The following CNBD1 variants were observed in gnomAD, a reference collection of about 807,000 sequenced individuals.
The protein encoded by CNBD1 is cyclic nucleotide binding domain containing 1, also known as cyclic nucleotide-binding domain-containing protein 1.
A neutral mutation model predicts 54.4 loss-of-function variants in CNBD1; 71 were observed. The observed-to-expected ratio is 1.30, with a 90% CI of 1.08 to 1.59. The LOEUF is 1.59. CNBD1 is among the 40% of genes most tolerant of loss of function. The pLI is 0.00. For synonymous variants in CNBD1, 182 were observed against 170.7 expected, an observed-to-expected ratio of 1.07 and a Z score of -0.51; for missense variants, 659 against 518.0, an observed-to-expected ratio of 1.27 and a Z score of -2.64.
chr8:87,357,440 G>A (rs1033410463), intron 10 of CNBD1, among the ~76,000 whole-genome samples: 3 of 152,314 alleles, frequency 2.0e-5, no homozygotes, highest in East Asian at 1.9e-4. Flanking sequence ...CCTTGCACCA[G>A]TGTACCCATA....
chr8:87,150,103 G>T (rs764013776), intron 4 of CNBD1, among the ~76,000 whole-genome samples: 6 of 152,150 alleles, frequency 3.9e-5, no homozygotes, highest in Non-Finnish European at 7.3e-5. Context: ...CGTGAACCCG[G>T]GAGGCGGAGC....
intron 1 of CNBD1, among the ~76,000 whole-genome samples, chr8:86,870,189 C>CCT (rs1554626453): frequency 0.12 from 12,212 of 100,644 alleles, 1,153 homozygotes; most frequent in African/African-American, 0.16. Flanking sequence ...AGATAGTACT[C>CCT]TTTTTTTTTT....
chr8:87,012,142 CTTCT>C (rs1809236402), intron 4 of CNBD1, among the ~76,000 whole-genome samples: 2 of 152,090 alleles, frequency 1.3e-5, no homozygotes, highest in South Asian at 2.1e-4. Context: ...TGAAAAATGG[CTTCT>C]TTAAGAGCCG....
At chr8:87,089,875 C>T (rs1185487886) in intron 4 of CNBD1, among the ~76,000 whole-genome samples, 1 of 151,968 alleles carries the variant, frequency 6.6e-6, no homozygotes, top group Admixed American at 6.6e-5. Context: ...TTTGATAATA[C>T]AGCTAATAAA....
chr8:86,914,903 T>C (rs185257085), intron 3 of CNBD1, among the ~76,000 whole-genome samples: 1 of 152,306 alleles, frequency 6.6e-6, no homozygotes, highest in East Asian at 1.9e-4. Context: ...ATGTCTAGCA[T>C]AGAAAAAAGA....
At chr8:87,069,710 C>G (rs972437318) in intron 4 of CNBD1, among the ~76,000 whole-genome samples, 2 of 152,056 alleles carry the variant, frequency 1.3e-5, no homozygotes, top group African/African-American at 4.8e-5. Context: ...ACTGGAGTTG[C>G]CATTCTTGCT....
intron 4 of CNBD1, among the ~76,000 whole-genome samples, chr8:87,137,863 C>G (rs1812290074): frequency 6.6e-6 from 1 of 152,054 alleles, no homozygotes; most frequent in Admixed American, 6.6e-5. Context: ...CTACTTAGGA[C>G]CTGTGTGTCT....
intron 4 of CNBD1, among the ~76,000 whole-genome samples, chr8:86,986,101 C>T (rs1193286168): frequency 6.6e-6 from 1 of 151,748 alleles, no homozygotes; most frequent in Admixed American, 6.6e-5. Flanking sequence ...ATCTAATTTT[C>T]CTATTTTTAG....
At chr8:87,098,998 TTGCAC>T (rs1811372772) in intron 4 of CNBD1, among the ~76,000 whole-genome samples, 1 of 136,386 alleles carries the variant, frequency 7.3e-6, no homozygotes, top group Non-Finnish European at 1.5e-5. Context: ...GATCATGCCA[TTGCAC>T]TCCAGCCTGG....
At chr8:87,287,232 A>C (rs1808715927) in intron 8 of CNBD1, among the ~76,000 whole-genome samples, 1 of 152,296 alleles carries the variant, frequency 6.6e-6, no homozygotes, top group African/African-American at 2.4e-5. Flanking sequence ...GTACACAAAA[A>C]GTGTAGGTGG....
chr8:87,220,499 G>GT (rs111608836), intron 5 of CNBD1, among the ~76,000 whole-genome samples: 7,089 of 126,434 alleles, frequency 0.056, 186 homozygotes, highest in Middle Eastern at 0.11. Context: ...AACTGTCCAA[G>GT]TTTTTTTTTT....
downstream of CNBD1, among the ~76,000 whole-genome samples, chr8:87,386,998 G>A (rs550746783): frequency 2.0e-5 from 3 of 152,156 alleles, no homozygotes; most frequent in Non-Finnish European, 4.4e-5. Flanking sequence ...TTTATATCCA[G>A]CCAAACTAAG....
chr8:87,308,053 A>T (rs1452594632), intron 8 of CNBD1, among the ~76,000 whole-genome samples: 5 of 152,120 alleles, frequency 3.3e-5, no homozygotes, highest in African/African-American at 1.2e-4. Context: ...AAAAGTAGCT[A>T]CATTGTCTTT....
chr8:87,174,158 C>A (rs1348082893), intron 4 of CNBD1, among the ~76,000 whole-genome samples: 2 of 151,972 alleles, frequency 1.3e-5, no homozygotes, highest in African/African-American at 2.4e-5. Context: ...TGGGGTTTCA[C>A]CATGTTGGCC....
intron 6 of CNBD1, among the ~76,000 whole-genome samples, chr8:87,249,873 A>G (rs1404346143): frequency 6.6e-6 from 1 of 152,212 alleles, no homozygotes; most frequent in Non-Finnish European, 1.5e-5. Context: ...TCAAACTGTT[A>G]GAAGAAATCA....
chr8:87,329,561 C>G (rs951556025), intron 8 of CNBD1, among the ~76,000 whole-genome samples: 2 of 152,132 alleles, frequency 1.3e-5, no homozygotes, highest in African/African-American at 2.4e-5. Context: ...TTATATAGTA[C>G]TTCTTTGATA....
intron 4 of CNBD1, among the ~76,000 whole-genome samples, chr8:87,066,201 T>G (rs1810650296): frequency 6.6e-6 from 1 of 151,938 alleles, no homozygotes; most frequent in Non-Finnish European, 1.5e-5. Context: ...TCCTGAACAT[T>G]GGAAGGTTTA....
intron 4 of CNBD1, among the ~76,000 whole-genome samples, chr8:87,014,528 G>T (rs1809312472): frequency 6.6e-6 from 1 of 151,808 alleles, no homozygotes; most frequent in Non-Finnish European, 1.5e-5. Flanking sequence ...TATAAAAAGG[G>T]TTTATAGAAA....
chr8:87,007,239 C>T lies in CNBD1; in HGVS notation c.431+67485C>T, dbSNP rs182608642. The stretch of plus-strand genomic sequence containing the variant: ...AATTTAAAACTTATTACTGATTTTC[C>T]TAAATGTATTTTCCCCATTTATTTT... On this transcript the variant is annotated intron_variant, in intron 4 of 10. Coordinates refer to ENST00000518476, the MANE Select transcript of CNBD1 (RefSeq NM_173538.3). 1.1e-3 allele frequency among the ~76,000 whole-genome samples: 171 copies of T among 151,918 alleles called. 1 individual carries two copies. Among genetic ancestry groups the T allele is most frequent in the Non-Finnish European group, 1.7e-3 (114 of 67,960 alleles).
Sources: gnomAD v4.1 joint callset for allele counts (sites outside exome capture counted in the v4.1 genomes callset) on GRCh38, gnomAD v4.1.1 for gene constraint, MANE v1.5 for transcripts, NCBI Gene and HGNC (gene_info 2026-07-23, HGNC 2026-07-21) for gene names.